The following PRR16 variants were observed in gnomAD, a reference collection of about 807,000 sequenced individuals.
The protein encoded by PRR16 is protein Largen.
PRR16 carries 6 observed loss-of-function variants against 18.2 expected under a neutral mutation model. The observed-to-expected ratio is 0.33, with a 90% confidence interval of 0.18 to 0.65. PRR16 has a LOEUF of 0.65. PRR16 is among the 30% of genes least tolerant of loss of function. PRR16 has a pLI of 0.74. For missense variants in PRR16, 412 were observed against 376.6 expected (o/e 1.09, Z -0.78); for synonymous variants, 151 against 147.8 (o/e 1.02, Z -0.16).
At chr5:120,690,396 T>C (rs1757194642), downstream of PRR16, among the ~76,000 whole-genome samples, 1 of 152,184 alleles carries the variant, frequency 6.6e-6, no homozygotes, top group Admixed American at 6.5e-5. Flanking sequence ...AGTCTTGTAA[T>C]TATCCTGAAG....
Position 120,647,721 on chromosome 5 carries a change from A to C in PRR16, c.160-38233A>C, listed in dbSNP as rs1232008924. Among the ~76,000 whole-genome samples the C allele has an allele frequency of 2.6e-5, 4 of 152,080 alleles. No homozygotes were observed. The East Asian group carries it at 7.7e-4, about 29-fold the overall frequency. On this transcript the variant is annotated intron_variant, in intron 1 of 1. Transcript: ENST00000407149. ...CTGCTTAAAAGTTTATGATCCTTTT[A>C]CATTTTATACAGCCTAGAAAATGTT...
intron 1 of PRR16, among the ~76,000 whole-genome samples, chr5:120,500,932 A>G (rs1329497271): frequency 6.6e-6 from 1 of 151,968 alleles, no homozygotes. Context: ...TTATTGGATA[A>G]CACTCCCTTT....
At chr5:120,662,815 A>G (rs552685644) in intron 1 of PRR16, among the ~76,000 whole-genome samples, 63 of 152,108 alleles carry the variant, frequency 4.1e-4, no homozygotes, top group Non-Finnish European at 7.9e-4. Context: ...TTCCAGACAC[A>G]GTCCTATAGC....
chr5:120,659,738 C>T (rs747814490), intron 1 of PRR16, among the ~76,000 whole-genome samples: 2 of 151,836 alleles, frequency 1.3e-5, no homozygotes, highest in African/African-American at 2.4e-5. Flanking sequence ...TGTATTTATA[C>T]TTGAACGGCA....
intron 1 of PRR16, among the ~76,000 whole-genome samples, chr5:120,646,533 G>A (rs1755608539): frequency 6.6e-6 from 1 of 151,960 alleles, no homozygotes; most frequent in Non-Finnish European, 1.5e-5. Flanking sequence ...TCTACGCTGG[G>A]ATTACAGTTC....
chr5:120,549,497 A>G (rs190145561), intron 1 of PRR16, among the ~76,000 whole-genome samples: 24 of 152,160 alleles, frequency 1.6e-4, no homozygotes, highest in Admixed American at 3.9e-4. Context: ...TGTTCCATCA[A>G]CTAAAATCTC....
At chr5:120,746,357 A>G in the PRR16 span, among the ~76,000 whole-genome samples, 1 of 152,126 alleles carries the variant, frequency 6.6e-6, no homozygotes, top group Non-Finnish European at 1.5e-5. Flanking sequence ...TTCTGAAGTT[A>G]TAATTGATTT....
chr5:120,754,394 T>G, the PRR16 span, among the ~76,000 whole-genome samples: 2 of 30,000 alleles, frequency 6.7e-5, no homozygotes. Flanking sequence ...ATATTATATG[T>G]TATATATTAT....
chr5:120,660,728 T>C (rs1440264594), intron 1 of PRR16, among the ~76,000 whole-genome samples: 1 of 152,076 alleles, frequency 6.6e-6, no homozygotes, highest in African/African-American at 2.4e-5. Flanking sequence ...TTTTACTATA[T>C]AGGCACTCAT....
At chr5:120,534,221 T>C (rs1024907034) in intron 1 of PRR16, among the ~76,000 whole-genome samples, 1 of 152,130 alleles carries the variant, frequency 6.6e-6, no homozygotes, top group Non-Finnish European at 1.5e-5. Flanking sequence ...ATAAAACTAA[T>C]GAGATCACTA....
the PRR16 span, among the ~76,000 whole-genome samples, chr5:120,770,277 C>A: frequency 2.0e-5 from 3 of 151,742 alleles, no homozygotes; most frequent in African/African-American, 2.4e-5. Context: ...AATAGACAGC[C>A]CATAAATAAA....
chr5:120,684,247 G>A (rs530105119), intron 1 of PRR16, among the ~76,000 whole-genome samples: 1 of 152,178 alleles, frequency 6.6e-6, no homozygotes, highest in African/African-American at 2.4e-5. Flanking sequence ...TGAATGTTTT[G>A]AAACTGCTGA....
At chr5:120,784,959 G>A in the PRR16 span, among the ~76,000 whole-genome samples, 1 of 152,102 alleles carries the variant, frequency 6.6e-6, no homozygotes, top group Non-Finnish European at 1.5e-5. Flanking sequence ...GTGCTACACA[G>A]GCTACTCCAC....
the PRR16 span, among the ~76,000 whole-genome samples, chr5:120,705,951 C>G: frequency 6.6e-6 from 1 of 152,082 alleles, no homozygotes; most frequent in African/African-American, 2.4e-5. Context: ...TAACAGAAAC[C>G]TTTGAAAAAA....
chr5:120,794,258 A>G, the PRR16 span, among the ~76,000 whole-genome samples: 3 of 152,236 alleles, frequency 2.0e-5, no homozygotes, highest in South Asian at 6.2e-4. Flanking sequence ...AATGAATACA[A>G]TCATGACTCA....
intron 1 of PRR16, among the ~76,000 whole-genome samples, chr5:120,513,982 A>G (rs1750909882): frequency 6.6e-6 from 1 of 151,312 alleles, no homozygotes; most frequent in Non-Finnish European, 1.5e-5. Flanking sequence ...CTGGTCTCGA[A>G]CTCCTGACCT....
the PRR16 span, among the ~76,000 whole-genome samples, chr5:120,742,468 C>T: frequency 6.6e-6 from 1 of 151,132 alleles, no homozygotes; most frequent in African/African-American, 2.4e-5. Context: ...TTAGCTACCC[C>T]TTGATCTCTG....
chr5:120,736,084 C>T, the PRR16 span, among the ~76,000 whole-genome samples: 2 of 152,192 alleles, frequency 1.3e-5, no homozygotes, highest in Admixed American at 6.5e-5. Flanking sequence ...ATTCTTTCCT[C>T]ATTGAATAGG....
the PRR16 span, among the ~76,000 whole-genome samples, chr5:120,701,601 A>G: frequency 2.7e-4 from 41 of 152,286 alleles, no homozygotes; most frequent in East Asian, 7.7e-4. Context: ...GTGGAGGAGC[A>G]GAGGCTGAGG....
Sources: gnomAD v4.1 joint callset for allele counts (sites outside exome capture counted in the v4.1 genomes callset) on GRCh38, gnomAD v4.1.1 for gene constraint, MANE v1.5 for transcripts, NCBI Gene and HGNC (gene_info 2026-07-23, HGNC 2026-07-21) for gene names.